Variants in FER observed in about 807,000 individuals in gnomAD.
FER encodes the protein FER tyrosine kinase, also known as tyrosine-protein kinase Fer.
Under a neutral mutation model 111.0 loss-of-function variants are expected in FER, and 63 were observed. The observed-to-expected ratio is 0.57, with a 90% CI of 0.46 to 0.70. The LOEUF (loss-of-function observed/expected upper bound fraction) is 0.70. Among genes scored for constraint, FER ranks in the 30% least tolerant of loss-of-function variants. The probability of loss-of-function intolerance (pLI) is 0.00; values close to 1 mark genes in which losing one functional copy is unlikely to be tolerated. For missense variants in FER, 914 were observed against 954.0 expected (o/e 0.96, Z 0.55); for synonymous variants, 327 against 313.9 (o/e 1.04, Z -0.44).
chr5:109,162,867 A>G (rs576533079), intron 17 of FER, among the ~76,000 whole-genome samples: 1 of 152,036 alleles, frequency 6.6e-6, no homozygotes, highest in African/African-American at 2.4e-5. Context: ...CCTTTATTGC[A>G]CTATAAATAC....
At chr5:108,960,591 G>A (rs1759018094) in intron 13 of FER, among the ~76,000 whole-genome samples, 1 of 151,748 alleles carries the variant, frequency 6.6e-6, no homozygotes, top group African/African-American at 2.4e-5. Context: ...TCCTTCATCT[G>A]TAAATGAATG....
At chr5:108,895,602 C>A (rs1748966587) in intron 9 of FER, among the ~76,000 whole-genome samples, 1 of 152,142 alleles carries the variant, frequency 6.6e-6, no homozygotes, top group Non-Finnish European at 1.5e-5. Flanking sequence ...CATCTTGCCT[C>A]CTTCTTGTAA....
At chr5:109,125,131 A>G (rs1427811446) in intron 17 of FER, among the ~76,000 whole-genome samples, 1 of 151,838 alleles carries the variant, frequency 6.6e-6, no homozygotes, top group African/African-American at 2.4e-5. Flanking sequence ...TTATTCTTTC[A>G]CTAAACTTGC....
intron 5 of FER, among the ~76,000 whole-genome samples, chr5:108,845,084 A>G (rs1272722861): frequency 7.8e-6 from 1 of 128,816 alleles, no homozygotes; most frequent in Admixed American, 8.0e-5. Context: ...ACACACACAC[A>G]CACACACACA....
chr5:108,835,786 TA>T lies in FER; in HGVS notation c.461del (p.Tyr154LeufsTer5). 6.4e-7 allele frequency: 1 copy of T among 1,553,056 alleles called. No homozygotes were observed. The highest frequency in any genetic ancestry group is 8.6e-7 in the Non-Finnish European group (1 of 1,156,870). ...IKEMNSAKEK[Y>X]KEALAKGKET... The stretch of plus-strand genomic sequence containing the variant: ...AGAAATGAATTCTGCCAAAGAGAAA[TA>T]TAAAGAAGCTTTAGCTAAAGGTAAG... On this transcript the variant is annotated frameshift_variant, in exon 5 of 20. Transcript: ENST00000281092. LOFTEE classifies it high-confidence loss of function.
Position 109,189,159 on chromosome 5 carries a change from G to GTATC in FER, c.*1586_*1589dup, listed in dbSNP as rs1411536638. On this transcript the variant is annotated 3_prime_UTR_variant, in exon 20 of 20. Coordinates refer to ENST00000281092, the MANE Select transcript of FER (RefSeq NM_005246.4). ...CTCACTCAGTTAAAACTAGGATTCTGTATCTTAACTCTTATCTAGGGAACT... is the reference window on the plus strand; with the variant it reads ...CTCACTCAGTTAAAACTAGGATTCTGTATCTATCTTAACTCTTATCTAGGGAACT... 1 of 151,008 alleles carries GTATC rather than the reference G, an allele frequency of 6.6e-6. No individual in the cohort carries two copies. The highest frequency in any genetic ancestry group is 1.5e-5 in the Non-Finnish European group (1 of 67,688). 9.4% of individuals were successfully genotyped at this position (151,008 alleles called of 1,614,324 possible).
At chr5:108,753,232 C>T (rs940531078) in intron 1 of FER, among the ~76,000 whole-genome samples, 1 of 152,038 alleles carries the variant, frequency 6.6e-6, no homozygotes, top group Non-Finnish European at 1.5e-5. Context: ...ATACCATCCA[C>T]AAAGTCCTTG....
At chr5:108,921,994 C>T (rs1009041537) in intron 10 of FER, among the ~76,000 whole-genome samples, 1 of 152,138 alleles carries the variant, frequency 6.6e-6, no homozygotes, top group African/African-American at 2.4e-5. Context: ...TTAGGGTGAG[C>T]TCTAATCCAG....
At chr5:108,753,076 T>G (rs113792119) in intron 1 of FER, among the ~76,000 whole-genome samples, 10,484 of 152,142 alleles carry the variant, frequency 0.069, 432 homozygotes, top group South Asian at 0.092. Context: ...TAAAATTGCT[T>G]CACTAGCTTG....
intron 17 of FER, among the ~76,000 whole-genome samples, chr5:109,148,048 C>CAT (rs919022657): frequency 4.0e-5 from 6 of 151,370 alleles, no homozygotes; most frequent in South Asian, 2.1e-4. Context: ...AAATGTTGTA[C>CAT]ATATATATAT....
In FER at chr5:108,954,733, C is replaced by G. The variant is rs1158845808; in HGVS notation, c.1334C>G (p.Ser445Cys). ...PKSALGSSALSDMISISEKPL... is the reference protein window; with the variant it reads ...PKSALGSSALCDMISISEKPL... The stretch of plus-strand genomic sequence containing the variant: ...TTTTTTTAATATTTGTTTAAGCTTT[C>G]TGATATGATCTCCATCAGTGAGAAG... The change falls in exon 12 of 20, where the codon TCT becomes TGT. Residue 445 changes from serine to cysteine, a missense_variant. Around this residue, in one of 3 missense-constraint regions of FER, gnomAD observed 774 missense variants for 782.6 expected, o/e 0.99. Coordinates refer to ENST00000281092, the MANE Select transcript of FER (RefSeq NM_005246.4). 6.6e-7 allele frequency: 1 copy of G among 1,522,708 alleles called. No individual in the cohort carries two copies. The allele number at this position is 1,522,708 out of a possible 1,614,324, so 94.3% of individuals were successfully genotyped here.
intron 13 of FER, among the ~76,000 whole-genome samples, chr5:109,003,314 G>GT (rs201898342): frequency 0.18 from 28,129 of 152,086 alleles, 2,797 homozygotes; most frequent in Non-Finnish European, 0.22. Context: ...CATGTCCTTT[G>GT]AGGGACATGG....
chr5:109,019,361 G>C (rs1767624513), intron 13 of FER, among the ~76,000 whole-genome samples: 1 of 151,690 alleles, frequency 6.6e-6, no homozygotes, highest in Non-Finnish European at 1.5e-5. Flanking sequence ...TTATATAATA[G>C]ATAGGTCCTT....
intron 16 of FER, among the ~76,000 whole-genome samples, chr5:109,094,422 T>G (rs888610083): frequency 6.6e-6 from 1 of 152,158 alleles, no homozygotes; most frequent in Non-Finnish European, 1.5e-5. Context: ...AAATGCCCAC[T>G]GGAACATTTC....
At chr5:108,959,880 A>G (rs534819573) in intron 13 of FER, among the ~76,000 whole-genome samples, 36 of 152,146 alleles carry the variant, frequency 2.4e-4, no homozygotes, top group Non-Finnish European at 4.9e-4. Flanking sequence ...TCTATGATCT[A>G]TCACAGAAAA....
chr5:108,946,569 CAT>C (rs1314064602), intron 11 of FER, among the ~76,000 whole-genome samples: 2 of 151,796 alleles, frequency 1.3e-5, no homozygotes, highest in Non-Finnish European at 2.9e-5. Context: ...TCTAGTGAAA[CAT>C]AACCTTTTTA....
At chr5:108,912,804 G>C (rs1468619390) in intron 10 of FER, among the ~76,000 whole-genome samples, 1 of 152,192 alleles carries the variant, frequency 6.6e-6, no homozygotes, top group Non-Finnish European at 1.5e-5. Context: ...TGGGCTGGTT[G>C]TATCAATTCA....
At chr5:108,916,219 C>A (rs566368670) in intron 10 of FER, among the ~76,000 whole-genome samples, 1 of 152,258 alleles carries the variant, frequency 6.6e-6, no homozygotes, top group African/African-American at 2.4e-5. Flanking sequence ...TTAATAAAAT[C>A]TAACATATGG....
chr5:108,884,133 C>G (rs988957546), intron 9 of FER, among the ~76,000 whole-genome samples: 4 of 152,012 alleles, frequency 2.6e-5, no homozygotes, highest in Non-Finnish European at 5.9e-5. Context: ...TTAATTGCAT[C>G]TACAAGAGTG....
Sources: allele counts gnomAD v4.1 joint callset (sites outside exome capture counted in the v4.1 genomes callset), GRCh38; gene constraint gnomAD v4.1.1; regional missense constraint gnomAD v4.1.1; transcripts MANE v1.5; gene names NCBI Gene and HGNC (gene_info 2026-07-23, HGNC 2026-07-21).